GALNTL6: variants seen among roughly 807,000 people sequenced by gnomAD.
GALNTL6 encodes polypeptide N-acetylgalactosaminyltransferase like 6.
In GALNTL6, 46 loss-of-function variants were observed where a neutral mutation model predicts 73.7. The ratio of observed to expected loss-of-function variants is 0.62; its 90% CI spans 0.49 to 0.80. GALNTL6 has a LOEUF of 0.80. Among genes scored for constraint, GALNTL6 ranks in the 30% least tolerant of loss-of-function variants. The probability of loss-of-function intolerance (pLI) is 0.00; values close to 1 mark genes in which losing one functional copy is unlikely to be tolerated. For missense variants in GALNTL6, 604 were observed against 755.0 expected (o/e 0.80, Z 2.34); for synonymous variants, 259 against 263.7 (o/e 0.98, Z 0.17).
intron 2 of GALNTL6, among the ~76,000 whole-genome samples, chr4:171,866,273 A>G (rs1269726840): frequency 1.3e-5 from 2 of 152,148 alleles, no homozygotes; most frequent in East Asian, 3.8e-4. Context: ...CAATTAATCA[A>G]TTAAATGTTT....
chr4:171,983,808 C>T (rs1184550246), intron 2 of GALNTL6, among the ~76,000 whole-genome samples: 1 of 152,072 alleles, frequency 6.6e-6, no homozygotes, highest in East Asian at 1.9e-4. Flanking sequence ...TGCTTCAACC[C>T]CTCCTAACAA....
At chr4:171,913,917 T>C (rs1232233222) in intron 2 of GALNTL6, among the ~76,000 whole-genome samples, 1 of 152,192 alleles carries the variant, frequency 6.6e-6, no homozygotes, top group Non-Finnish European at 1.5e-5. Flanking sequence ...TATTCCTGAA[T>C]AAATGGCTCA....
chr4:173,034,311 G>C (rs1405130261), intron 12 of GALNTL6, among the ~76,000 whole-genome samples: 1 of 152,084 alleles, frequency 6.6e-6, no homozygotes. Context: ...TATAGACCCT[G>C]TGACTCTTGT....
At chr4:172,766,327 A>G (rs1209105659) in intron 5 of GALNTL6, among the ~76,000 whole-genome samples, 1 of 152,192 alleles carries the variant, frequency 6.6e-6, no homozygotes, top group Non-Finnish European at 1.5e-5. Flanking sequence ...TCCTGCCCTG[A>G]AAACAGTATT....
intron 5 of GALNTL6, among the ~76,000 whole-genome samples, chr4:172,721,621 G>A (rs1330259527): frequency 1.3e-5 from 2 of 152,278 alleles, no homozygotes; most frequent in African/African-American, 4.8e-5. Context: ...GTATGTGACT[G>A]GGCATGACAG....
rs1751197495 is a variant in GALNTL6 at position 172,984,276 on chromosome 4, T to TA, written c.1372-24901dup. Among the ~76,000 whole-genome samples the TA allele has an allele frequency of 3.9e-5, 6 of 152,216 alleles. No individual in the cohort carries two copies. In the South Asian group the frequency reaches 1.2e-3, roughly 32 times the overall value. ...ATGACTGGAGAGGCCTCAGAAAACT[T>TA]ACAATCATGGCTGAAAGCAGCTCTT... On this transcript the variant is annotated intron_variant, in intron 10 of 12. Transcript: ENST00000506823.
In GALNTL6 at chr4:172,778,445, C is replaced by T. The variant is rs371287102; in HGVS notation, c.554-30916C>T. Reference sequence around the variant, plus strand: ...ATGTAGGCACAATGTGTTCATGATACATAACAGCTAAATTGGTGGATGAGA... The same window carrying T: ...ATGTAGGCACAATGTGTTCATGATATATAACAGCTAAATTGGTGGATGAGA... On this transcript the variant is annotated intron_variant, in intron 5 of 12. Coordinates refer to ENST00000506823, the MANE Select transcript of GALNTL6 (RefSeq NM_001034845.3). 1.2e-4 allele frequency among the ~76,000 whole-genome samples: 18 copies of T among 152,306 alleles called. No individual in the cohort carries two copies. The South Asian group carries it at 1.7e-3, about 14-fold the overall frequency.
chr4:172,366,728 T>A (rs1361990371), intron 5 of GALNTL6, among the ~76,000 whole-genome samples: 4 of 152,130 alleles, frequency 2.6e-5, no homozygotes, highest in Admixed American at 1.3e-4. Flanking sequence ...TCTCTTACAA[T>A]TAAATTTATC....
chr4:172,351,184 T>TGTCTGTCC (rs34483912), intron 5 of GALNTL6, among the ~76,000 whole-genome samples: 11 of 99,080 alleles, frequency 1.1e-4, no homozygotes, highest in African/African-American at 5.4e-4. Context: ...ATAATCTGTC[T>TGTCTGTCC]ATCTATCTAT....
At chr4:172,349,830 A>AAAAT (rs1554016266) in intron 5 of GALNTL6, among the ~76,000 whole-genome samples, 5 of 99,496 alleles carry the variant, frequency 5.0e-5, no homozygotes, top group Non-Finnish European at 1.0e-4. Context: ...ATTAAAAAAA[A>AAAAT]ATATATATAT....
rs565843728 is a variant in GALNTL6, at chr4:171,988,874, C to G, written c.138+174156C>G. Among the ~76,000 whole-genome samples, 579 of 151,932 alleles carry G rather than the reference C, an allele frequency of 3.8e-3. 1 individual carries two copies. Among genetic ancestry groups the G allele is most frequent in the African/African-American group, 8.6e-3 (358 of 41,422 alleles). On this transcript the variant is annotated intron_variant, in intron 2 of 12. Transcript: ENST00000506823. ...GAGTAGAGGTGTCTTATACTTGTGGCTTAAGGTGGGGAGACACAAGGGGAG... is the reference window on the plus strand; with the variant it reads ...GAGTAGAGGTGTCTTATACTTGTGGGTTAAGGTGGGGAGACACAAGGGGAG...
At chr4:171,873,503 T>A (rs917730702) in intron 2 of GALNTL6, among the ~76,000 whole-genome samples, 4 of 152,222 alleles carry the variant, frequency 2.6e-5, no homozygotes, top group African/African-American at 9.6e-5. Context: ...TGTATACCCA[T>A]CATGCTCAGA....
intron 2 of GALNTL6, among the ~76,000 whole-genome samples, chr4:171,846,688 A>T (rs995408551): frequency 2.7e-5 from 4 of 150,712 alleles, no homozygotes; most frequent in African/African-American, 9.7e-5. Flanking sequence ...ATATCTATTC[A>T]TCTCTATATA....
At chr4:172,913,157 A>C (rs1206223519) in intron 8 of GALNTL6, among the ~76,000 whole-genome samples, 1 of 152,192 alleles carries the variant, frequency 6.6e-6, no homozygotes, top group Non-Finnish European at 1.5e-5. Flanking sequence ...AAGGGTCCTG[A>C]CTGTTAGAAG....
At chr4:172,653,861 A>G (rs553701238) in intron 5 of GALNTL6, among the ~76,000 whole-genome samples, 3 of 152,366 alleles carry the variant, frequency 2.0e-5, no homozygotes, top group Admixed American at 1.3e-4. Flanking sequence ...TGCATTATTC[A>G]TAATTGTATC....
intron 2 of GALNTL6, among the ~76,000 whole-genome samples, chr4:171,846,232 T>C (rs970853516): frequency 2.0e-5 from 3 of 152,224 alleles, no homozygotes; most frequent in Non-Finnish European, 2.9e-5. Context: ...CTCACTGTAA[T>C]TTATTTAAAA....
Position 172,740,690 on chromosome 4 carries a change from AT to A in GALNTL6, c.554-68663del, listed in dbSNP as rs375521632. On this transcript the variant is annotated intron_variant, in intron 5 of 12. Transcript: ENST00000506823. ...TACTTAATACTACATGGTGTGTGGG[AT>A]TTTTTTTCTTTTTTGCATTTTCATG... Among the ~76,000 whole-genome samples, 736 of 151,750 alleles carry A rather than the reference AT, an allele frequency of 4.9e-3. 14 individuals are homozygous for A. Among genetic ancestry groups the A allele is most frequent in the African/African-American group, 0.017 (688 of 41,352 alleles).
chr4:171,839,594 G>A (rs936841237), intron 2 of GALNTL6, among the ~76,000 whole-genome samples: 7 of 151,200 alleles, frequency 4.6e-5, no homozygotes, highest in African/African-American at 9.7e-5. Context: ...TTGCACATAC[G>A]TTCACACATG....
chr4:172,960,259 A>G (rs1376049191), intron 10 of GALNTL6, among the ~76,000 whole-genome samples: 1 of 152,202 alleles, frequency 6.6e-6, no homozygotes, highest in Non-Finnish European at 1.5e-5. Flanking sequence ...GAGGGGTCAG[A>G]TAAAGAAAAA....
Sources: gnomAD v4.1 joint callset for allele counts (sites outside exome capture counted in the v4.1 genomes callset) on GRCh38, gnomAD v4.1.1 for gene constraint, MANE v1.5 for transcripts, NCBI Gene and HGNC (gene_info 2026-07-23, HGNC 2026-07-21) for gene names.